NUP160: variants seen among roughly 807,000 people sequenced by gnomAD.
The protein encoded by NUP160 is nucleoporin 160.
A neutral mutation model predicts 196.9 loss-of-function variants in NUP160; 94 were observed. The ratio of observed to expected loss-of-function variants is 0.48; its 90% CI spans 0.40 to 0.57. NUP160 has a LOEUF of 0.57. Ranked by LOEUF, NUP160 falls within the 20% of genes least tolerant of loss-of-function variation. NUP160 has a pLI of 0.00. For missense variants in NUP160, 1,638 were observed against 1,748.3 expected, an observed-to-expected ratio of 0.94 and a Z score of 1.13; for synonymous variants, 605 against 619.7, an observed-to-expected ratio of 0.98 and a Z score of 0.35.
At chr11:47,791,172 T>C (rs142109187) in intron 29 of NUP160, among the ~76,000 whole-genome samples, 295 of 151,846 alleles carry the variant, frequency 1.9e-3, no homozygotes, top group African/African-American at 7.0e-3. Context: ...TTTTTTACAA[T>C]GTTCCTTACA....
exon 36 of NUP160, chr11:47,779,050 A>AG: frequency 8.2e-7 from 1 of 1,222,392 alleles, no homozygotes; most frequent in Non-Finnish European, 1.2e-6. Context: ...CCTGTAGGGT[A>AG]GTCTTAAGTC....
chr11:47,800,121 G>A (rs1283931650), intron 23 of NUP160, among the ~76,000 whole-genome samples: 3 of 151,802 alleles, frequency 2.0e-5, no homozygotes, highest in East Asian at 4.0e-4. Flanking sequence ...GGGTGTGGTG[G>A]TGCACACCTG....
intron 4 of NUP160, 79 bp from the exon 5 acceptor site, chr11:47,837,702 C>A (rs769383505): frequency 6.4e-5 from 69 of 1,070,486 alleles, no homozygotes; most frequent in Admixed American, 1.6e-4. Context: ...TGAACAAGGT[C>A]TTTATAATAG....
chr11:47,815,219 A>G (rs1035204816), intron 13 of NUP160: 5 of 231,154 alleles, frequency 2.2e-5, no homozygotes, highest in Non-Finnish European at 4.1e-5. Context: ...CTCCAACTCA[A>G]AAAAAGAGAA....
chr11:47,839,729 G>A, intron 4 of NUP160, 114 bp downstream of exon 4: 2 of 851,258 alleles, frequency 2.3e-6, no homozygotes, highest in South Asian at 1.5e-5. Context: ...AATAATGAAT[G>A]ACCAGTTCCG....
intron 17 of NUP160, among the ~76,000 whole-genome samples, chr11:47,809,817 G>A (rs2097680099): frequency 2.0e-5 from 3 of 148,808 alleles, no homozygotes; most frequent in African/African-American, 7.4e-5. Flanking sequence ...AAAATGTTGA[G>A]ATTTATAAAG....
At chr11:47,815,785 C>T in intron 12 of NUP160, 136 bp from the exon 13 acceptor site, 5 of 893,028 alleles carry the variant, frequency 5.6e-6, no homozygotes, top group Non-Finnish European at 8.6e-6. Context: ...AGGCCATAGA[C>T]TATGCAAATG....
At chr11:47,782,990 T>C (rs2097662357) in intron 34 of NUP160, 83 bp downstream of exon 34, 1 of 1,147,392 alleles carries the variant, frequency 8.7e-7, no homozygotes, top group Non-Finnish European at 1.3e-6. Context: ...TTCTCATAAA[T>C]GTTCATCACT....
chr11:47,795,321 A>G (rs1379196676), intron 27 of NUP160, among the ~76,000 whole-genome samples: 1 of 152,216 alleles, frequency 6.6e-6, no homozygotes. Context: ...TGCTCTAGAA[A>G]AACCTGAACA....
chr11:47,816,079 G>A (rs1393280400), intron 11 of NUP160, 50 bp from the exon 12 acceptor site: 12 of 1,294,788 alleles, frequency 9.3e-6, no homozygotes, highest in African/African-American at 1.5e-5. Flanking sequence ...AAAACTGAAT[G>A]GAAAACGTTT....
intron 31 of NUP160, 132 bp downstream of exon 31, chr11:47,788,050 G>T: frequency 1.2e-6 from 1 of 814,654 alleles, no homozygotes; most frequent in Non-Finnish European, 1.9e-6. Context: ...TGCTTGGATG[G>T]ATTAAACAAA....
At position 47,832,580 on chromosome 11, in the gene NUP160, G is replaced by A. The variant is rs146704613; in HGVS notation, c.1101+3071C>T. Among the ~76,000 whole-genome samples, 354 of 152,318 alleles carry A rather than the reference G, an allele frequency of 2.3e-3. 2 individuals carry two copies. The highest frequency in any genetic ancestry group is 8.0e-3 in the African/African-American group (333 of 41,564). The stretch of plus-strand genomic sequence containing the variant: ...ACCCAGAAGCAGACTCAGCGCATAG[G>A]ATGGTTTTCCACACTCCTACAATTG... On this transcript the variant is annotated intron_variant, in intron 7 of 35. Transcript: ENST00000378460.
At chr11:47,836,828 C>G (rs1852185068) in intron 6 of NUP160, 59 bp downstream of exon 6, 1 of 1,075,014 alleles carries the variant, frequency 9.3e-7, no homozygotes, top group African/African-American at 1.6e-5. Flanking sequence ...AAATTTACTT[C>G]AATTCTCATG....
At chr11:47,815,639 C>T (rs2097684026) in exon 13 of NUP160, 2 of 1,589,822 alleles carry the variant, frequency 1.3e-6, no homozygotes, top group Non-Finnish European at 1.7e-6. Context: ...CTCTGTTACA[C>T]TTCCTTGAAG....
intron 27 of NUP160, 39 bp from the exon 28 acceptor site, chr11:47,792,985 A>T (rs1219746333): frequency 1.9e-5 from 30 of 1,560,652 alleles, no homozygotes; most frequent in Middle Eastern, 1.7e-4. Context: ...GAACTTCCAA[A>T]TTTTTTTTTC....
intron 12 of NUP160, 124 bp downstream of exon 12, chr11:47,815,816 AAAGGTT>A: frequency 1.1e-6 from 1 of 927,990 alleles, no homozygotes; most frequent in Non-Finnish European, 1.6e-6. Flanking sequence ...TCTCTAGTTA[AAAGGTT>A]TAAACATTTA....
intron 29 of NUP160, among the ~76,000 whole-genome samples, chr11:47,790,223 G>A (rs1300308188): frequency 6.6e-6 from 1 of 151,880 alleles, no homozygotes; most frequent in Non-Finnish European, 1.5e-5. Flanking sequence ...TGGGATTACA[G>A]GCGTGAGTCA....
chr11:47,809,780 A>T (rs10838771), intron 17 of NUP160, among the ~76,000 whole-genome samples: 1 of 144,032 alleles, frequency 6.9e-6, no homozygotes, highest in African/African-American at 2.6e-5. Context: ...AATTATGGAC[A>T]TAAAGGAAAA....
chr11:47,783,775 G>C (rs2097662878), intron 33 of NUP160, among the ~76,000 whole-genome samples: 1 of 151,876 alleles, frequency 6.6e-6, no homozygotes, highest in Non-Finnish European at 1.5e-5. Flanking sequence ...GCCCAGGCTT[G>C]GGGGCAGTGG....
Sources: allele counts gnomAD v4.1 joint callset (sites outside exome capture counted in the v4.1 genomes callset), GRCh38; gene constraint gnomAD v4.1.1; transcripts MANE v1.5; gene names NCBI Gene and HGNC (gene_info 2026-07-23, HGNC 2026-07-21).